Variants in GNA13 observed in about 807,000 individuals in gnomAD.
GNA13 encodes guanine nucleotide-binding protein subunit alpha-13.
Under a neutral mutation model 33.5 loss-of-function variants are expected in GNA13, and 4 were observed. That is an observed-to-expected ratio of 0.12 (90% CI 0.06 to 0.27). GNA13 has a LOEUF of 0.27. Ranked by LOEUF, GNA13 falls within the 10% of genes least tolerant of loss-of-function variation. The pLI, the probability that GNA13 is intolerant of heterozygous loss-of-function variation, is 1.00. For missense variants in GNA13, 319 were observed against 487.2 expected (o/e 0.65, Z 3.25); for synonymous variants, 176 against 183.8 (o/e 0.96, Z 0.34).
At chr17:65,036,746 T>C (rs1292147765) in intron 2 of GNA13, among the ~76,000 whole-genome samples, 4 of 152,214 alleles carry the variant, frequency 2.6e-5, no homozygotes, top group Non-Finnish European at 4.4e-5. Context: ...AGCTGTGACC[T>C]TAGCCTCTAT....
chr17:65,043,519 T>A (rs949695697), intron 2 of GNA13, among the ~76,000 whole-genome samples: 1 of 152,144 alleles, frequency 6.6e-6, no homozygotes, highest in Non-Finnish European at 1.5e-5. Flanking sequence ...ACTCCTGGAC[T>A]CAAGCAATCT....
intron 2 of GNA13, among the ~76,000 whole-genome samples, chr17:65,052,635 ATT>A (rs1907897342): frequency 6.6e-6 from 1 of 152,366 alleles, no homozygotes; most frequent in East Asian, 1.9e-4. Flanking sequence ...TTGATTAAAA[ATT>A]TGTTTCAACT....
intron 1 of GNA13, among the ~76,000 whole-genome samples, chr17:65,054,362 T>C (rs1236982329): frequency 1.3e-5 from 2 of 152,248 alleles, no homozygotes; most frequent in African/African-American, 2.4e-5. Flanking sequence ...CAGAGGTTAG[T>C]TGAAACTCAT....
chr17:65,055,514 CCCTT>C, intron 1 of GNA13: 2 of 624,438 alleles, frequency 3.2e-6, no homozygotes, highest in Non-Finnish European at 4.0e-6. Context: ...CAGTGGTACT[CCCTT>C]CCTGCCAGCC....
chr17:65,016,678 T>A (rs948769644), intron 3 of GNA13, among the ~76,000 whole-genome samples: 1 of 152,204 alleles, frequency 6.6e-6, no homozygotes, highest in Admixed American at 6.6e-5. Flanking sequence ...CAGAGTTTTT[T>A]AAAAGTAGGT....
intron 2 of GNA13, among the ~76,000 whole-genome samples, chr17:65,043,004 G>A (rs942564929): frequency 2.4e-4 from 36 of 152,136 alleles, no homozygotes; most frequent in African/African-American, 8.0e-4. Flanking sequence ...AGGTACTGTG[G>A]GGCTTTACAT....
chr17:65,032,508 C>T (rs148807795), intron 2 of GNA13, among the ~76,000 whole-genome samples: 7 of 152,264 alleles, frequency 4.6e-5, no homozygotes, highest in African/African-American at 1.7e-4. Context: ...CTATTTCAAA[C>T]ATTTGAAATA....
At chr17:65,052,893 G>C (rs906211078) in intron 2 of GNA13, among the ~76,000 whole-genome samples, 1 of 152,170 alleles carries the variant, frequency 6.6e-6, no homozygotes, top group Non-Finnish European at 1.5e-5. Context: ...TAGGTGTGGT[G>C]GCACGCGCCT....
intron 2 of GNA13, among the ~76,000 whole-genome samples, chr17:65,022,213 C>A (rs1243649654): frequency 6.6e-6 from 1 of 152,184 alleles, no homozygotes; most frequent in Non-Finnish European, 1.5e-5. Context: ...AACACAGCCA[C>A]GCTCACCTGT....
At chr17:65,043,280 C>T (rs1907529044) in intron 2 of GNA13, among the ~76,000 whole-genome samples, 1 of 115,738 alleles carries the variant, frequency 8.6e-6, no homozygotes, top group African/African-American at 3.2e-5. Flanking sequence ...TAAGTTTGAA[C>T]ATGTTTATTA....
Position 65,011,303 on chromosome 17 carries a change from C to T in GNA13, c.*2954G>A, listed in dbSNP as rs1906180577. 1 of 198,258 alleles carries T rather than the reference C, an allele frequency of 5.0e-6. No individual in the cohort carries two copies. The highest frequency in any genetic ancestry group is 1.0e-5 in the Non-Finnish European group (1 of 95,952). 12.3% of individuals were successfully genotyped at this position (198,258 alleles called of 1,614,324 possible). ...GGACCTTCTCTATGCAAATTACATG[C>T]CAATACACCTTAAAAGAAAATAAGA... On this transcript the variant is annotated 3_prime_UTR_variant, in exon 4 of 4. Transcript: ENST00000439174.
intron 2 of GNA13, among the ~76,000 whole-genome samples, chr17:65,019,040 A>G (rs916549445): frequency 6.6e-6 from 1 of 152,104 alleles, no homozygotes; most frequent in Non-Finnish European, 1.5e-5. Flanking sequence ...CCTGCGTTTC[A>G]CTTTCCCGCG....
At chr17:65,049,310 G>A (rs1010846393) in intron 2 of GNA13, among the ~76,000 whole-genome samples, 3 of 152,040 alleles carry the variant, frequency 2.0e-5, no homozygotes, top group Non-Finnish European at 4.4e-5. Context: ...TGGTAGAGAT[G>A]GGGTTTCACC....
At chr17:65,037,753 G>GA in intron 2 of GNA13, among the ~76,000 whole-genome samples, 1 of 104,454 alleles carries the variant, frequency 9.6e-6, no homozygotes, top group Admixed American at 1.6e-4. Context: ...GCAACATGGA[G>GA]AGAGACCCAG....
chr17:65,014,048 C>CCTGCATTA lies in GNA13; in HGVS notation c.*201_*208dup, dbSNP rs1906279797. ...GAAGCCATGGTGAAACAGATCAAAG[C>CCTGCATTA]CTGCATTACAGCAAATCTTGGCGAT... On this transcript the variant is annotated 3_prime_UTR_variant, in exon 4 of 4. Transcript: ENST00000439174. This position sits in a 1 kb window ranked among gnomAD's most constrained non-coding sequence, Gnocchi z 5.3. 1.9e-6 allele frequency: 1 copy of CCTGCATTA among 537,592 alleles called. No homozygotes were observed. Among genetic ancestry groups the CCTGCATTA allele is most frequent in the African/African-American group, 1.9e-5 (1 of 53,144 alleles). The allele number at this position is 537,592 out of a possible 1,614,324, so 33.3% of individuals were successfully genotyped here.
chr17:65,041,536 G>A (rs183057054), intron 2 of GNA13, among the ~76,000 whole-genome samples: 400 of 152,154 alleles, frequency 2.6e-3, no homozygotes, highest in Non-Finnish European at 4.8e-3. Context: ...GTGAACATAT[G>A]AATTTTTTTA....
chr17:65,048,459 A>T (rs1398217833), intron 2 of GNA13, among the ~76,000 whole-genome samples: 1 of 152,228 alleles, frequency 6.6e-6, no homozygotes, highest in African/African-American at 2.4e-5. Context: ...TCAAATATTT[A>T]ATTCAGTACT....
rs758890448 is a variant in GNA13, at chr17:65,056,492, G to A, written c.102C>T (p.Ile34=). 1.2e-6 allele frequency: 2 copies of A among 1,613,516 alleles called. No homozygotes were observed. The highest frequency in any genetic ancestry group is 1.7e-5 in the Admixed American group (1 of 59,990). The stretch of plus-strand genomic sequence containing the variant: ...TCTTTTCCCGAGACAGGCATTTGTC[G>A]ATCTCCTTGGACTTGCGTTGCTGCT... ...EAEQQRKSKE[I]DKCLSREKTY... Residue 34 remains isoleucine, a synonymous_variant, in exon 1 of 4, where the codon ATC becomes ATT. Transcript: ENST00000439174.
At chr17:65,028,502 T>C (rs1376548471) in intron 2 of GNA13, among the ~76,000 whole-genome samples, 1 of 151,478 alleles carries the variant, frequency 6.6e-6, no homozygotes, top group African/African-American at 2.4e-5. Context: ...TTGCTCATCA[T>C]CTACTTGCAA....
Sources: allele counts gnomAD v4.1 joint callset (sites outside exome capture counted in the v4.1 genomes callset), GRCh38; gene constraint gnomAD v4.1.1; non-coding constraint Gnocchi (gnomAD v3.1); transcripts MANE v1.5; gene names NCBI Gene and HGNC (gene_info 2026-07-23, HGNC 2026-07-21).